Variants in SPATA13 observed in about 807,000 individuals in gnomAD.
SPATA13 encodes the protein spermatogenesis associated 13, also known as spermatogenesis-associated protein 13.
In SPATA13, 50 loss-of-function variants were observed where a neutral mutation model predicts 104.0. The observed-to-expected ratio is 0.48, with a 90% confidence interval of 0.38 to 0.61. SPATA13 has a LOEUF of 0.61. SPATA13 is among the 20% of genes least tolerant of loss of function. The probability of loss-of-function intolerance (pLI) is 0.00; values close to 1 mark genes in which losing one functional copy is unlikely to be tolerated. For missense variants in SPATA13, 1,524 were observed against 1,690.6 expected, an observed-to-expected ratio of 0.90 and a Z score of 1.73; for synonymous variants, 606 against 667.5, an observed-to-expected ratio of 0.91 and a Z score of 1.42.
chr13:23,993,095 A>T (rs1875490503), intron 2 of SPATA13, among the ~76,000 whole-genome samples: 1 of 152,236 alleles, frequency 6.6e-6, no homozygotes, highest in African/African-American at 2.4e-5. Flanking sequence ...AGATGGGTTT[A>T]AAAGTCCACA....
At chr13:23,995,912 G>A (rs1875665661) in intron 2 of SPATA13, among the ~76,000 whole-genome samples, 1 of 152,134 alleles carries the variant, frequency 6.6e-6, no homozygotes, top group African/African-American at 2.4e-5. Context: ...GACCCTGATA[G>A]CATGTGTTTT....
chr13:24,045,077 C>T (rs1488634854), intron 3 of SPATA13, among the ~76,000 whole-genome samples: 2 of 151,972 alleles, frequency 1.3e-5, no homozygotes, highest in African/African-American at 4.8e-5. Flanking sequence ...GTAAGATTTT[C>T]CTCTTACAAT....
intron 3 of SPATA13, among the ~76,000 whole-genome samples, chr13:24,037,679 A>T (rs1300702935): frequency 1.3e-5 from 2 of 152,002 alleles, no homozygotes; most frequent in African/African-American, 4.8e-5. Flanking sequence ...AAGAGCTGAG[A>T]TTACAGGCAT....
chr13:24,264,969 A>G (rs1482454703), intron 4 of SPATA13, among the ~76,000 whole-genome samples: 3 of 152,242 alleles, frequency 2.0e-5, no homozygotes, highest in African/African-American at 4.8e-5. Context: ...GAAGGGGTTC[A>G]TTGAAGCCGC....
chr13:24,032,070 T>G (rs1033127748), intron 3 of SPATA13, among the ~76,000 whole-genome samples: 3 of 152,160 alleles, frequency 2.0e-5, no homozygotes, highest in Non-Finnish European at 4.4e-5. Flanking sequence ...GTAAGTCAGT[T>G]TAGTAAGAAC....
At chr13:24,294,639 A>T in intron 9 of SPATA13, 100 bp from the exon 10 acceptor site, 1 of 1,322,434 alleles carries the variant, frequency 7.6e-7, no homozygotes, top group Non-Finnish European at 1.0e-6. Context: ...CACTTTGTCT[A>T]GAGCATTCGT....
chr13:24,237,258 G>A (rs538712603), intron 2 of SPATA13, among the ~76,000 whole-genome samples: 1 of 152,248 alleles, frequency 6.6e-6, no homozygotes, highest in South Asian at 2.1e-4. Context: ...TCAGGAGGTG[G>A]AGGCTGAGGC....
At chr13:24,077,921 C>T (rs1879387230) in intron 3 of SPATA13, among the ~76,000 whole-genome samples, 2 of 152,194 alleles carry the variant, frequency 1.3e-5, no homozygotes, top group Non-Finnish European at 2.9e-5. Flanking sequence ...ATCCTTCTCT[C>T]TTGCAGGCCC....
In SPATA13 at chr13:24,278,868, TTTTC is replaced by T. The variant is rs779833805; in HGVS notation, c.2165-5262_2165-5259del. The T allele has an allele frequency of 3.8e-3, 5,203 of 1,383,586 alleles. 245 individuals carry two copies. The highest frequency in any genetic ancestry group is 0.013 in the African/African-American group (762 of 58,332). The allele number at this position is 1,383,586 out of a possible 1,614,324, so 85.7% of individuals were successfully genotyped here. On this transcript the variant is annotated intron_variant, in intron 4 of 12. Coordinates refer to ENST00000382108, the MANE Select transcript of SPATA13 (RefSeq NM_001166271.3). ...GCCTTGCATGAAGTCCACATGCTGTTTTTCTTTCCTTCCTTCCTTCCTTCCTTCC... is the reference window on the plus strand; with the variant it reads ...GCCTTGCATGAAGTCCACATGCTGTTTTTCCTTCCTTCCTTCCTTCCTTCC...
At chr13:24,178,773 T>C (rs1332652746) in intron 1 of SPATA13, among the ~76,000 whole-genome samples, 1 of 152,184 alleles carries the variant, frequency 6.6e-6, no homozygotes, top group Admixed American at 6.6e-5. Context: ...TTTTAACAGC[T>C]TTATTGAGAT....
At chr13:24,054,021 G>T (rs1383601624) in intron 3 of SPATA13, among the ~76,000 whole-genome samples, 1 of 152,172 alleles carries the variant, frequency 6.6e-6, no homozygotes, top group Non-Finnish European at 1.5e-5. Context: ...GAGGCTCCTG[G>T]ACAGCTCTGC....
chr13:24,115,586 C>A (rs977164664), intron 3 of SPATA13, among the ~76,000 whole-genome samples: 2 of 152,358 alleles, frequency 1.3e-5, no homozygotes, highest in Admixed American at 6.5e-5. Flanking sequence ...CCTTCATGTC[C>A]ATGGAAAAAT....
At chr13:24,012,214 A>T (rs1876501061) in intron 2 of SPATA13, among the ~76,000 whole-genome samples, 1 of 152,134 alleles carries the variant, frequency 6.6e-6, no homozygotes, top group Admixed American at 6.5e-5. Context: ...TCACAGCCAG[A>T]CCCTCCATCA....
chr13:24,033,289 A>G (rs1288751991), intron 3 of SPATA13, among the ~76,000 whole-genome samples: 1 of 152,260 alleles, frequency 6.6e-6, no homozygotes, highest in Non-Finnish European at 1.5e-5. Flanking sequence ...GAAGAAAAAA[A>G]GCAATCAAGT....
chr13:24,081,023 TG>T (rs1879497591), intron 3 of SPATA13, among the ~76,000 whole-genome samples: 1 of 152,216 alleles, frequency 6.6e-6, no homozygotes, highest in Non-Finnish European at 1.5e-5. Flanking sequence ...GGAAAATACC[TG>T]CATGAATATC....
intron 2 of SPATA13, among the ~76,000 whole-genome samples, chr13:23,990,067 A>C (rs1875340542): frequency 6.6e-6 from 1 of 152,156 alleles, no homozygotes; most frequent in African/African-American, 2.4e-5. Flanking sequence ...ACAACTGCCA[A>C]CCAGTTCCAC....
At position 24,051,015 on chromosome 13, in the gene SPATA13, G is replaced by A. The variant is rs555269972; in HGVS notation, c.-112+33314G>A. Among the ~76,000 whole-genome samples the A allele has an allele frequency of 6.6e-6, 1 of 152,338 alleles. No individual in the cohort carries two copies. The highest frequency in any genetic ancestry group is 1.9e-4 in the East Asian group (1 of 5,180). ...GTTTTTGCAGGTGAGTGTACTGTGA[G>A]CTAAGCAGGCTATAGACCCATATCT... On this transcript the variant is annotated intron_variant, in intron 3 of 14. Transcript: ENST00000424834. This position sits in a 1 kb window ranked among gnomAD's most constrained non-coding sequence, Gnocchi z 4.2.
At chr13:24,257,611 C>CTT (rs201620960) in intron 4 of SPATA13, among the ~76,000 whole-genome samples, 2,246 of 143,500 alleles carry the variant, frequency 0.016, 56 homozygotes, top group Admixed American at 0.047. Context: ...TAAATTTTTA[C>CTT]TTTTTTTTTT....
At chr13:23,980,633 C>A (rs1874841508) in intron 1 of SPATA13, among the ~76,000 whole-genome samples, 1 of 152,202 alleles carries the variant, frequency 6.6e-6, no homozygotes, top group Admixed American at 6.5e-5. Flanking sequence ...TACTTTGTCG[C>A]CCAGGTTGGA....
Sources: gnomAD v4.1 joint callset for allele counts (sites outside exome capture counted in the v4.1 genomes callset) on GRCh38, gnomAD v4.1.1 for gene constraint, Gnocchi (gnomAD v3.1) non-coding constraint, MANE v1.5 for transcripts, NCBI Gene and HGNC (gene_info 2026-07-23, HGNC 2026-07-21) for gene names.